B3GLCT: variants seen among roughly 807,000 people sequenced by gnomAD.
B3GLCT encodes the protein beta-1,3-glucosyltransferase.
A neutral mutation model predicts 63.4 loss-of-function variants in B3GLCT; 65 were observed. The observed-to-expected ratio is 1.03, with a 90% CI of 0.84 to 1.26. The LOEUF (loss-of-function observed/expected upper bound fraction) is 1.26, where lower values mean the gene tolerates loss of function less well. B3GLCT is among the 50% of genes most tolerant of loss of function. B3GLCT has a pLI of 0.00. For synonymous variants in B3GLCT, 233 were observed against 219.2 expected (o/e 1.06, Z -0.55); for missense variants, 577 against 604.8 (o/e 0.95, Z 0.48).
At chr13:31,200,676 G>A (rs1052205041) in intron 1 of B3GLCT, among the ~76,000 whole-genome samples, 4 of 151,908 alleles carry the variant, frequency 2.6e-5, no homozygotes, top group African/African-American at 7.2e-5. Context: ...TTCGACCCCC[G>A]GGGGCGAGGA....
intron 10 of B3GLCT, among the ~76,000 whole-genome samples, chr13:31,277,627 A>G (rs1310207903): frequency 1.3e-5 from 2 of 152,166 alleles, no homozygotes; most frequent in African/African-American, 4.8e-5. Flanking sequence ...ACTACTGAAG[A>G]AGTTCATTTA....
At chr13:31,321,027 A>G (rs558817843) in intron 13 of B3GLCT, among the ~76,000 whole-genome samples, 48 of 152,164 alleles carry the variant, frequency 3.2e-4, no homozygotes, top group African/African-American at 8.4e-4. Flanking sequence ...TTACTTTTCT[A>G]TTTTCCACTT....
At position 31,247,982 on chromosome 13, in the gene B3GLCT, AT is replaced by A. The variant is rs1334061304; in HGVS notation, c.459+17del. 7.5e-7 allele frequency: 1 copy of A among 1,327,670 alleles called. No individual in the cohort carries two copies. Among genetic ancestry groups the A allele is most frequent in the Admixed American group, 1.7e-5 (1 of 59,458 alleles). 82.2% of individuals were successfully genotyped at this position (1,327,670 alleles called of 1,614,324 possible). ...CCCCTCTAAGGTGAATATAACTTCA[AT>A]ACCAGTTCTTATTTTGGGGGACAGT... On this transcript the variant is annotated intron_variant, in intron 6 of 14. Transcript: ENST00000343307.
chr13:31,253,679 A>G (rs1439167783), intron 6 of B3GLCT, among the ~76,000 whole-genome samples: 1 of 151,626 alleles, frequency 6.6e-6, no homozygotes, highest in African/African-American at 2.4e-5. Flanking sequence ...AATAACTAAG[A>G]TCAGAGCAGA....
chr13:31,224,671 T>C (rs938009913), intron 3 of B3GLCT, among the ~76,000 whole-genome samples: 2 of 152,150 alleles, frequency 1.3e-5, no homozygotes, highest in Non-Finnish European at 2.9e-5. Context: ...GATTCACTAG[T>C]ATATGATTAT....
chr13:31,299,253 T>C (rs549310216), intron 12 of B3GLCT, among the ~76,000 whole-genome samples: 1 of 152,342 alleles, frequency 6.6e-6, no homozygotes, highest in South Asian at 2.1e-4. Context: ...TTACCTGTTC[T>C]ATTCATCTAT....
intron 6 of B3GLCT, among the ~76,000 whole-genome samples, chr13:31,257,964 T>C (rs1237143159): frequency 6.6e-6 from 1 of 152,110 alleles, no homozygotes; most frequent in East Asian, 1.9e-4. Flanking sequence ...TCAGGGGAGA[T>C]AAGCAATAGA....
At chr13:31,274,656 C>T (rs992328395) in intron 9 of B3GLCT, 28 bp downstream of exon 9, 6 of 1,613,608 alleles carry the variant, frequency 3.7e-6, no homozygotes, top group Middle Eastern at 3.3e-4. Context: ...AACTTCTTTG[C>T]ATATCAAAGG....
At chr13:31,249,152 A>G (rs1000765039) in intron 6 of B3GLCT, among the ~76,000 whole-genome samples, 3 of 152,226 alleles carry the variant, frequency 2.0e-5, no homozygotes, top group Non-Finnish European at 4.4e-5. Flanking sequence ...GTTGATGTAG[A>G]TGTCAAACAC....
Position 31,323,799 on chromosome 13 carries a change from T to A in B3GLCT, c.1233T>A (p.Cys411Ter), listed in dbSNP as rs757043353. 3 of 1,614,184 alleles carry A rather than the reference T, an allele frequency of 1.9e-6. No homozygotes were observed. The highest frequency in any genetic ancestry group is 2.5e-6 in the Non-Finnish European group (3 of 1,180,024). The change falls in exon 14 of 15, where the codon TGT (cysteine) becomes TGA (stop). Residue 411 changes from cysteine (C) to a stop codon, truncating the protein, a stop_gained. Coordinates refer to ENST00000343307, the MANE Select transcript of B3GLCT (RefSeq NM_194318.4). LOFTEE classifies it high-confidence loss of function. ...TCAGGAGACTTCTCGCCAGTAAATGTCGATGCTACAGCAATGATGCTCCCG... is the reference window on the plus strand; with the variant it reads ...TCAGGAGACTTCTCGCCAGTAAATGACGATGCTACAGCAATGATGCTCCCG... Reference protein sequence around the residue: ...EAVRRLLASKCRCYSNDAPDD... With the variant: ...EAVRRLLASK
intron 4 of B3GLCT, among the ~76,000 whole-genome samples, chr13:31,241,532 A>G (rs114453968): frequency 0.015 from 2,316 of 152,274 alleles, 65 homozygotes; most frequent in African/African-American, 0.053. Context: ...TATTGCGGAA[A>G]TGGCACCTGC....
rs577969463 is a variant in B3GLCT at position 31,280,226 on chromosome 13, T to G, written c.850+3455T>G. On this transcript the variant is annotated intron_variant, in intron 10 of 14. Transcript: ENST00000343307. ...GAAGTGATAAGTGTCCATGAAATCT[T>G]TACAATTTATGTTCAGAGATTGCAG... Among the ~76,000 whole-genome samples, 11 of 152,276 alleles carry G rather than the reference T, an allele frequency of 7.2e-5. No individual in the cohort carries two copies. The South Asian group carries it at 1.9e-3, about 26-fold the overall frequency.
intron 8 of B3GLCT, among the ~76,000 whole-genome samples, chr13:31,272,339 T>G (rs1872606623): frequency 6.6e-6 from 1 of 151,350 alleles, no homozygotes; most frequent in Non-Finnish European, 1.5e-5. Flanking sequence ...CTTAGCCCCC[T>G]GATTAGCTGG....
chr13:31,224,417 C>T (rs1869986625), intron 3 of B3GLCT, among the ~76,000 whole-genome samples: 1 of 152,190 alleles, frequency 6.6e-6, no homozygotes, highest in Admixed American at 6.5e-5. Context: ...TATATTCTTG[C>T]AATTGCACAT....
At chr13:31,246,244 T>C (rs1871190252) in intron 4 of B3GLCT, among the ~76,000 whole-genome samples, 2 of 152,304 alleles carry the variant, frequency 1.3e-5, no homozygotes, top group South Asian at 2.1e-4. Flanking sequence ...ATATGAGATA[T>C]GAAATTTTTG....
At chr13:31,295,568 G>A (rs1386200819) in intron 12 of B3GLCT, among the ~76,000 whole-genome samples, 1 of 152,186 alleles carries the variant, frequency 6.6e-6, no homozygotes, top group Non-Finnish European at 1.5e-5. Context: ...CCTAGCTGTG[G>A]TGGCCTCCAC....
rs1875022604 is a variant in B3GLCT, at chr13:31,316,410, TATA to T, written c.1065-1155_1065-1153del. On this transcript the variant is annotated intron_variant, in intron 12 of 14. Coordinates refer to ENST00000343307, the MANE Select transcript of B3GLCT (RefSeq NM_194318.4). ...AATCAAGGAGATTTTGGAGGTTTTA[TATA>T]TATATATATATATATATAAATTTTT... 6.4e-5 allele frequency among the ~76,000 whole-genome samples: 6 copies of T among 93,972 alleles called. 2 individuals carry two copies. Among genetic ancestry groups the T allele is most frequent in the African/African-American group, 1.9e-4 (5 of 25,798 alleles). The allele number at this position is 93,972 out of a possible 152,430, so 61.6% of individuals were successfully genotyped here.
intron 12 of B3GLCT, among the ~76,000 whole-genome samples, chr13:31,308,332 T>TAAAAAAAAAATTAAAAAAAAAAA (rs1491270945): frequency 3.0e-5 from 1 of 32,832 alleles, no homozygotes; most frequent in African/African-American, 7.0e-5. Flanking sequence ...TAGAGTATAA[T>TAAAAAAAAAATTAAAAAAAAAAA]AAAAAAAAAA....
At chr13:31,255,008 G>A (rs1027968123) in intron 6 of B3GLCT, among the ~76,000 whole-genome samples, 26 of 141,934 alleles carry the variant, frequency 1.8e-4, no homozygotes, top group Non-Finnish European at 2.9e-4. Context: ...CTGCACTCCC[G>A]CCCAGGTGAC....
Sources: gnomAD v4.1 joint callset for allele counts (sites outside exome capture counted in the v4.1 genomes callset) on GRCh38, gnomAD v4.1.1 for gene constraint, MANE v1.5 for transcripts, NCBI Gene and HGNC (gene_info 2026-07-23, HGNC 2026-07-21) for gene names.